NINJ1: variants seen among roughly 807,000 people sequenced by gnomAD.
The protein encoded by NINJ1 is ninjurin 1, also known as ninjurin-1.
A neutral mutation model predicts 12.7 loss-of-function variants in NINJ1; 6 were observed. The ratio of observed to expected loss-of-function variants is 0.47; its 90% CI spans 0.26 to 0.93. The LOEUF (loss-of-function observed/expected upper bound fraction) is 0.93. Among genes scored for constraint, NINJ1 ranks in the 40% least tolerant of loss-of-function variants. NINJ1 has a pLI of 0.15. For synonymous variants in NINJ1, 100 were observed against 96.0 expected (o/e 1.04, Z -0.25); for missense variants, 170 against 213.0 (o/e 0.80, Z 1.26).
intron 3 of NINJ1, among the ~76,000 whole-genome samples, chr9:93,123,083 C>T (rs896563989): frequency 3.9e-5 from 6 of 152,206 alleles, no homozygotes; most frequent in Non-Finnish European, 5.9e-5. Context: ...GCTCCACGGC[C>T]GGGACATTGG....
chr9:93,130,069 C>T (rs373439173), intron 1 of NINJ1, among the ~76,000 whole-genome samples: 9 of 152,340 alleles, frequency 5.9e-5, no homozygotes, highest in Middle Eastern at 6.8e-3. Context: ...GAGACCAGTG[C>T]CCATGGCTTG....
chr9:93,123,404 C>A (rs905384538), intron 3 of NINJ1, among the ~76,000 whole-genome samples: 3 of 152,184 alleles, frequency 2.0e-5, no homozygotes, highest in Non-Finnish European at 2.9e-5. Context: ...CCTGCCTCAC[C>A]CTCCTGAGTA....
chr9:93,124,858 A>G, intron 3 of NINJ1, 41 bp downstream of exon 3: 1 of 1,550,122 alleles, frequency 6.5e-7, no homozygotes, highest in South Asian at 1.2e-5. Flanking sequence ...ACAGCGAGCA[A>G]CCCCAGGACT....
intron 1 of NINJ1, 68 bp downstream of exon 1, chr9:93,134,075 G>T: frequency 3.9e-6 from 5 of 1,294,220 alleles, no homozygotes; most frequent in Non-Finnish European, 5.3e-6. Flanking sequence ...ACAGGTGCCC[G>T]GGGAGCCGCG....
intron 2 of NINJ1, chr9:93,125,518 T>G: frequency 6.4e-6 from 1 of 155,734 alleles, no homozygotes; most frequent in Non-Finnish European, 1.4e-5. Flanking sequence ...AAGGTAGGAC[T>G]GGCATGACTG....
chr9:93,124,378 G>T (rs138276509), intron 3 of NINJ1, among the ~76,000 whole-genome samples: 57 of 152,226 alleles, frequency 3.7e-4, no homozygotes, highest in African/African-American at 1.1e-3. Context: ...GGGTTCAAGC[G>T]ATTCTCCTGC....
At chr9:93,128,281 C>T (rs898574808) in intron 1 of NINJ1, among the ~76,000 whole-genome samples, 6 of 152,338 alleles carry the variant, frequency 3.9e-5, no homozygotes, top group Admixed American at 2.0e-4. Flanking sequence ...CTGGGCCTGA[C>T]GCTGCACTCC....
chr9:93,131,183 T>C (rs7850887), intron 1 of NINJ1, among the ~76,000 whole-genome samples: 30,076 of 152,184 alleles, frequency 0.2, 4,654 homozygotes, highest in African/African-American at 0.43. Context: ...AAGCAGGCCC[T>C]GAGAGGGTCT....
At chr9:93,124,039 C>T (rs1004416138) in intron 3 of NINJ1, among the ~76,000 whole-genome samples, 22 of 152,260 alleles carry the variant, frequency 1.4e-4, no homozygotes, top group Non-Finnish European at 2.2e-4. Context: ...AGGCAGCTAA[C>T]AGATTCTGCG....
At chr9:93,123,249 C>T (rs1827759303) in intron 3 of NINJ1, among the ~76,000 whole-genome samples, 1 of 151,936 alleles carries the variant, frequency 6.6e-6, no homozygotes, top group African/African-American at 2.4e-5. Flanking sequence ...CTGCTGGCCC[C>T]AGCGCCCCAC....
At chr9:93,124,703 C>A (rs1361940658) in intron 3 of NINJ1, among the ~76,000 whole-genome samples, 196 bp downstream of exon 3, 1 of 152,164 alleles carries the variant, frequency 6.6e-6, no homozygotes. Flanking sequence ...GACCACAGGA[C>A]CCCAGGTGGC....
chr9:93,124,868 T>C (rs1046140337), intron 3 of NINJ1, 31 bp downstream of exon 3: 4 of 1,573,948 alleles, frequency 2.5e-6, no homozygotes, highest in Non-Finnish European at 3.5e-6. Context: ...ACCCCAGGAC[T>C]GCAGGCCTCG....
chr9:93,130,581 G>C (rs1019124279), intron 1 of NINJ1, among the ~76,000 whole-genome samples: 4 of 152,184 alleles, frequency 2.6e-5, no homozygotes, highest in Admixed American at 6.5e-5. Flanking sequence ...CCTCAACACT[G>C]ACCACTCTAT....
intron 1 of NINJ1, among the ~76,000 whole-genome samples, chr9:93,129,596 CCCCCT>C (rs1326259870): frequency 2.6e-5 from 4 of 152,220 alleles, no homozygotes; most frequent in African/African-American, 7.2e-5. Flanking sequence ...GCCTCAGTCT[CCCCCT>C]CCGTATATCT....
At chr9:93,131,236 A>T (rs1450439979) in intron 1 of NINJ1, among the ~76,000 whole-genome samples, 1 of 152,224 alleles carries the variant, frequency 6.6e-6, no homozygotes, top group East Asian at 1.9e-4. Flanking sequence ...CCCCAGCAAG[A>T]CAGCAGGAAG....
In NINJ1 at chr9:93,125,186, C is replaced by T. The variant is rs545249498; in HGVS notation, c.305-124G>A. The T allele has an allele frequency of 3.7e-4, 339 of 916,858 alleles. 1 individual carries two copies. The East Asian group carries it at 6.9e-3, about 19-fold the overall frequency. The allele number at this position is 916,858 out of a possible 1,614,324, so 56.8% of individuals were successfully genotyped here. A position where few individuals can be genotyped will look rare whatever the true frequency, so the allele number is the denominator to read the frequency against. ...CCTGGGACATTACAGGGCTCTCAGTCGCATTTAGGATGAGTTTTGTCGCCC... is the reference window on the plus strand; with the variant it reads ...CCTGGGACATTACAGGGCTCTCAGTTGCATTTAGGATGAGTTTTGTCGCCC... On this transcript the variant is annotated intron_variant, in intron 2 of 3. Transcript: ENST00000375446.
intron 1 of NINJ1, among the ~76,000 whole-genome samples, chr9:93,129,773 C>A (rs563140943): frequency 6.6e-6 from 1 of 152,316 alleles, no homozygotes; most frequent in African/African-American, 2.4e-5. Flanking sequence ...GCATAGCTGG[C>A]AACCACCCCA....
At chr9:93,122,383 T>TG (rs1186615003) in intron 3 of NINJ1, among the ~76,000 whole-genome samples, 153 bp from the exon 4 acceptor site, 1 of 126,124 alleles carries the variant, frequency 7.9e-6, no homozygotes, top group Non-Finnish European at 1.7e-5. Context: ...GGTCTGAGCC[T>TG]GGAAGGAGGA....
At chr9:93,126,327 G>A in intron 2 of NINJ1, 83 bp downstream of exon 2, 2 of 1,222,690 alleles carry the variant, frequency 1.6e-6, no homozygotes, top group Non-Finnish European at 2.3e-6. Flanking sequence ...AGTGTGCAAG[G>A]TGGTGGGCAC....
Sources: gnomAD v4.1 joint callset for allele counts (sites outside exome capture counted in the v4.1 genomes callset) on GRCh38, gnomAD v4.1.1 for gene constraint, MANE v1.5 for transcripts, NCBI Gene and HGNC (gene_info 2026-07-23, HGNC 2026-07-21) for gene names.